ZMYND8: variants seen among roughly 807,000 people sequenced by gnomAD.
ZMYND8 encodes MYND-type zinc finger-containing chromatin reader ZMYND8.
In ZMYND8, 37 loss-of-function variants were observed where a neutral mutation model predicts 140.8. The observed-to-expected ratio is 0.26, with a 90% confidence interval of 0.20 to 0.35. ZMYND8 has a LOEUF of 0.35. ZMYND8 is among the 10% of genes least tolerant of loss of function. The probability of loss-of-function intolerance (pLI) is 1.00; values close to 1 mark genes in which losing one functional copy is unlikely to be tolerated. For synonymous variants in ZMYND8, 592 were observed against 597.1 expected (o/e 0.99, Z 0.12); for missense variants, 1,068 against 1,570.0 (o/e 0.68, Z 5.40).
At chr20:47,319,112 C>T in intron 2 of ZMYND8, 4 of 1,175,708 alleles carry the variant, frequency 3.4e-6, no homozygotes, top group Non-Finnish European at 4.5e-6. Context: ...TCACCACTTA[C>T]CAGGCCAGCC....
At chr20:47,259,167 G>A (rs905011399) in intron 12 of ZMYND8, among the ~76,000 whole-genome samples, 1 of 152,220 alleles carries the variant, frequency 6.6e-6, no homozygotes, top group African/African-American at 2.4e-5. Context: ...GAGAGGAAAT[G>A]TCACCGTGAG....
At chr20:47,294,228 T>A (rs1234258078) in intron 5 of ZMYND8, among the ~76,000 whole-genome samples, 4 of 151,392 alleles carry the variant, frequency 2.6e-5, no homozygotes, top group Non-Finnish European at 5.9e-5. Context: ...GGCGGGAGCC[T>A]GTAATCCCAG....
intron 2 of ZMYND8, among the ~76,000 whole-genome samples, chr20:47,329,426 T>C (rs1024091890): frequency 6.6e-6 from 1 of 152,080 alleles, no homozygotes; most frequent in African/African-American, 2.4e-5. Context: ...TTTTTGGAGA[T>C]GGAGTTTTGC....
At position 47,209,384 on chromosome 20, in the gene ZMYND8, C is replaced by T. The variant is rs1179962214; in HGVS notation, c.*1377G>A. 6.6e-6 allele frequency: 1 copy of T among 151,648 alleles called. No individual in the cohort carries two copies. Among genetic ancestry groups the T allele is most frequent in the Non-Finnish European group, 1.5e-5 (1 of 67,938 alleles). 9.4% of individuals were successfully genotyped at this position (151,648 alleles called of 1,614,324 possible). The stretch of plus-strand genomic sequence containing the variant: ...ATTTAAGTTTAATACAAATTTTATA[C>T]AAAGAAAATGTGAAAAAATACTTCC... On this transcript the variant is annotated 3_prime_UTR_variant, in exon 23 of 23. Transcript: ENST00000471951.
At chr20:47,270,996 G>A (rs2075905292) in intron 11 of ZMYND8, among the ~76,000 whole-genome samples, 1 of 152,036 alleles carries the variant, frequency 6.6e-6, no homozygotes, top group South Asian at 2.1e-4. Context: ...AGAATGGCGT[G>A]AACCCAGGAG....
intron 12 of ZMYND8, among the ~76,000 whole-genome samples, chr20:47,258,198 C>T (rs1211286516): frequency 6.6e-6 from 1 of 152,190 alleles, no homozygotes; most frequent in Non-Finnish European, 1.5e-5. Context: ...CCCAAAAAAG[C>T]TGACGTATCC....
At chr20:47,291,935 G>T in intron 5 of ZMYND8, 47 bp from the exon 6 acceptor site, 10 of 1,520,934 alleles carry the variant, frequency 6.6e-6, no homozygotes, top group Non-Finnish European at 9.0e-6. Flanking sequence ...CATTACTATG[G>T]AAAACCAAGC....
intron 3 of ZMYND8, among the ~76,000 whole-genome samples, chr20:47,300,182 G>A (rs148146518): frequency 7.9e-5 from 12 of 152,188 alleles, no homozygotes; most frequent in South Asian, 4.2e-4. Context: ...AAACAAATAC[G>A]AAATCCTATT....
At chr20:47,356,362 G>T in intron 1 of ZMYND8, 1 of 1,466,248 alleles carries the variant, frequency 6.8e-7, no homozygotes, top group Non-Finnish European at 9.0e-7. Flanking sequence ...AAAAAAAAAA[G>T]CTTCTTTTTT....
chr20:47,255,580 G>A (rs373942615), intron 12 of ZMYND8, among the ~76,000 whole-genome samples: 6 of 58,228 alleles, frequency 1.0e-4, no homozygotes, highest in African/African-American at 4.0e-4. Context: ...GTGTGTGTGT[G>A]TGTGTGTGTG....
At chr20:47,220,117 A>T (rs2036726870) in intron 21 of ZMYND8, 141 bp downstream of exon 21, 2 of 607,150 alleles carry the variant, frequency 3.3e-6, no homozygotes, top group African/African-American at 2.0e-5. Flanking sequence ...ACCCCCACTG[A>T]CCCACCCCAG....
At chr20:47,270,980 G>A (rs2075903742) in intron 11 of ZMYND8, among the ~76,000 whole-genome samples, 1 of 152,128 alleles carries the variant, frequency 6.6e-6, no homozygotes, top group Admixed American at 6.6e-5. Flanking sequence ...GGGAGGCTGA[G>A]GCAGGAGAAT....
chr20:47,210,998 C>T, intron 22 of ZMYND8, 101 bp from the exon 23 acceptor site: 1 of 1,498,982 alleles, frequency 6.7e-7, no homozygotes, highest in South Asian at 1.3e-5. Context: ...AAACCACCTT[C>T]CCCTCCCAAT....
chr20:47,306,674 G>A (rs545427984), intron 3 of ZMYND8, among the ~76,000 whole-genome samples: 71 of 151,406 alleles, frequency 4.7e-4, no homozygotes, highest in African/African-American at 1.5e-3. Context: ...GGGTTCAAGA[G>A]AGTCTCTTGC....
chr20:47,279,229 G>A (rs1488431246), intron 10 of ZMYND8, among the ~76,000 whole-genome samples: 1 of 152,152 alleles, frequency 6.6e-6, no homozygotes, highest in Non-Finnish European at 1.5e-5. Flanking sequence ...CAGCACTTGG[G>A]GAGGCAGAGG....
chr20:47,250,404 G>A (rs2074073934), intron 12 of ZMYND8, among the ~76,000 whole-genome samples: 1 of 152,154 alleles, frequency 6.6e-6, no homozygotes, highest in African/African-American at 2.4e-5. Context: ...CCCACCCAAA[G>A]CGAGTGTGAG....
chr20:47,301,861 A>G (rs1326800811), intron 3 of ZMYND8, among the ~76,000 whole-genome samples: 1 of 152,096 alleles, frequency 6.6e-6, no homozygotes, highest in Non-Finnish European at 1.5e-5. Flanking sequence ...GTGTCATGGG[A>G]GGGACCCAGT....
intron 10 of ZMYND8, among the ~76,000 whole-genome samples, chr20:47,277,392 T>C (rs6122571): frequency 0.018 from 2,774 of 152,362 alleles, 92 homozygotes; most frequent in East Asian, 0.15. Context: ...CAAAGACCCA[T>C]GACAGCATGT....
Position 47,239,024 on chromosome 20 carries a change from C to A in ZMYND8, c.2399G>T (p.Ser800Ile). 1 of 1,593,108 alleles carries A rather than the reference C, an allele frequency of 6.3e-7. No homozygotes were observed. Among genetic ancestry groups the A allele is most frequent in the Non-Finnish European group, 8.6e-7 (1 of 1,166,580 alleles). ...TSAAGATATT[S>I]TSSTVTVTAP... ...CGTGACGGTGACCGTGGAGGACGTG[C>A]TGGTGGTGGCTGTGGCGCCAGCCGC... Residue 800 changes from serine to isoleucine, a missense_variant, in exon 15 of 23, where the codon AGC becomes ATC. Physicochemically the swap from Ser to Ile is moderately radical, Grantham distance 142. This residue lies in a region of ZMYND8 where 383 missense variants were observed against 431.2 expected (regional missense o/e 0.89). Transcript: ENST00000471951.
Sources: allele counts gnomAD v4.1 joint callset (sites outside exome capture counted in the v4.1 genomes callset), GRCh38; gene constraint gnomAD v4.1.1; regional missense constraint gnomAD v4.1.1; transcripts MANE v1.5; gene names NCBI Gene and HGNC (gene_info 2026-07-23, HGNC 2026-07-21).